The following MAP2K3 variants were observed in gnomAD, a reference collection of about 807,000 sequenced individuals.
MAP2K3 encodes the protein dual specificity mitogen-activated protein kinase kinase 3.
Under a neutral mutation model 46.4 loss-of-function variants are expected in MAP2K3, and 30 were observed. The ratio of observed to expected loss-of-function variants is 0.65; its 90% CI spans 0.48 to 0.88. MAP2K3 has a LOEUF of 0.88. Ranked by LOEUF, MAP2K3 falls within the 40% of genes least tolerant of loss-of-function variation. The pLI, the probability that MAP2K3 is intolerant of heterozygous loss-of-function variation, is 0.00. For synonymous variants in MAP2K3, 189 were observed against 176.3 expected, an observed-to-expected ratio of 1.07 and a Z score of -0.57; for missense variants, 380 against 464.5, an observed-to-expected ratio of 0.82 and a Z score of 1.67.
In MAP2K3 at chr17:21,304,425, G is replaced by A; in HGVS notation, c.569-1G>A. ...GGCTGAGGCATGTCCCTCCCTGGCAGATGTGAAGCCCTCCAATGTCCTTAT... is the reference window on the plus strand; with the variant it reads ...GGCTGAGGCATGTCCCTCCCTGGCAAATGTGAAGCCCTCCAATGTCCTTAT... On this transcript the variant is annotated splice_acceptor_variant, in intron 7 of 11. Coordinates refer to ENST00000342679, the MANE Select transcript of MAP2K3 (RefSeq NM_145109.3). LOFTEE classifies it high-confidence loss of function. 6.2e-7 allele frequency: 1 copy of A among 1,614,312 alleles called. No individual in the cohort carries two copies. Among genetic ancestry groups the A allele is most frequent in the Non-Finnish European group, 8.5e-7 (1 of 1,180,056 alleles).
intron 4 of MAP2K3, 36 bp from the exon 5 acceptor site, chr17:21,300,838 C>T: frequency 6.2e-7 from 1 of 1,613,666 alleles, no homozygotes. Flanking sequence ...TTGGCCTCTG[C>T]CACGGCAACC....
intron 1 of MAP2K3, among the ~76,000 whole-genome samples, chr17:21,297,855 G>A (rs752863615): frequency 1.6e-3 from 249 of 152,206 alleles, no homozygotes; most frequent in South Asian, 0.013. Context: ...ATCGGGTGTC[G>A]GCCTCCAGGG....
intron 1 of MAP2K3, among the ~76,000 whole-genome samples, chr17:21,293,296 G>C (rs79365257): frequency 1.3e-5 from 2 of 152,306 alleles, no homozygotes; most frequent in East Asian, 3.8e-4. Context: ...CACTCTGCCC[G>C]GGGTCCTCCC....
intron 7 of MAP2K3, among the ~76,000 whole-genome samples, chr17:21,303,886 G>T (rs1021956444): frequency 6.6e-6 from 1 of 152,312 alleles, no homozygotes; most frequent in East Asian, 1.9e-4. Flanking sequence ...GAACCTTCTG[G>T]TCCTTTTTAT....
chr17:21,302,357 G>A (rs1449562875), intron 6 of MAP2K3, 98 bp downstream of exon 6: 4 of 1,347,348 alleles, frequency 3.0e-6, no homozygotes, highest in Non-Finnish European at 4.2e-6. Context: ...TGGTGTCTTG[G>A]GCAGAGCTGG....
chr17:21,299,611 G>A (rs1009374982), intron 3 of MAP2K3, among the ~76,000 whole-genome samples: 2 of 152,278 alleles, frequency 1.3e-5, no homozygotes, highest in African/African-American at 4.8e-5. Flanking sequence ...GAACCCAGGA[G>A]GTGGATGTTG....
chr17:21,291,292 A>G (rs1975913385), intron 1 of MAP2K3: 1 of 28,450 alleles, frequency 3.5e-5, no homozygotes. Context: ...ACAATAGAAT[A>G]CAATACAATA....
chr17:21,291,837 T>G (rs1302129731), intron 1 of MAP2K3: 2 of 346,354 alleles, frequency 5.8e-6, no homozygotes, highest in Non-Finnish European at 1.1e-5. Context: ...CGAAGGACTG[T>G]CCTGGGAGCA....
rs765424344 is a variant in MAP2K3 at position 21,303,220 on chromosome 17, C to T, written c.554C>T (p.Ser185Leu). Residue 185 changes from serine to leucine, a missense_variant, in exon 7 of 12, where the codon TCG becomes TTG. Around this residue, in one of 5 missense-constraint regions of MAP2K3, gnomAD observed 294 missense variants for 275.4 expected, o/e 1.07. Transcript: ENST00000342679. ...RALEHLHSKL[S>L]VIHRDVKPSN... ...CTGGAGCATCTGCACAGCAAGCTGT[C>T]GGTGATCCACAGAGGTCAGTGCCCG... 3.2e-5 allele frequency: 51 copies of T among 1,614,126 alleles called. No individual in the cohort carries two copies. In the African/African-American group the frequency reaches 3.7e-4, roughly 12 times the overall value.
At chr17:21,302,028 G>T in intron 5 of MAP2K3, 115 bp from the exon 6 acceptor site, 1 of 1,014,852 alleles carries the variant, frequency 9.9e-7, no homozygotes. Context: ...GGCTGAGTGG[G>T]TGGGCACACG....
intron 1 of MAP2K3, chr17:21,288,138 G>C: frequency 1.6e-6 from 2 of 1,271,484 alleles, no homozygotes; most frequent in Non-Finnish European, 2.1e-6. Flanking sequence ...GGGCATGCCA[G>C]CCGGCTGCCT....
chr17:21,303,265 G>GT, intron 7 of MAP2K3, 31 bp downstream of exon 7: 1 of 1,613,272 alleles, frequency 6.2e-7, no homozygotes, highest in East Asian at 2.2e-5. Flanking sequence ...CAGGCACGGT[G>GT]TAGCCAGTGG....
chr17:21,294,604 G>A (rs978051325), intron 1 of MAP2K3, among the ~76,000 whole-genome samples: 1 of 152,312 alleles, frequency 6.6e-6, no homozygotes, highest in African/African-American at 2.4e-5. Context: ...CCCACCGTGT[G>A]GCCTCTCTAA....
chr17:21,296,376 C>A (rs949436536), intron 1 of MAP2K3, among the ~76,000 whole-genome samples: 1 of 152,310 alleles, frequency 6.6e-6, no homozygotes, highest in Non-Finnish European at 1.5e-5. Flanking sequence ...ATAGAAGTGG[C>A]CTCAGAAGCT....
intron 9 of MAP2K3, among the ~76,000 whole-genome samples, chr17:21,309,689 C>G (rs1250592933): frequency 6.6e-6 from 1 of 152,170 alleles, no homozygotes; most frequent in Non-Finnish European, 1.5e-5. Flanking sequence ...TCTCGGCTTA[C>G]TGCAACCTCC....
rs749891984 is a variant in MAP2K3 at position 21,300,979 on chromosome 17, G to C, written c.385G>C (p.Ala129Pro). The change falls in exon 5 of 12, where the codon GCA becomes CCA. Residue 129 changes from alanine to proline, a missense_variant. Transcript: ENST00000342679. ...DCFYTVTFYG[A>P]LFREGDVWIC... The stretch of plus-strand genomic sequence containing the variant: ...TTTCTACACTGTCACCTTCTACGGG[G>C]CACTATTCAGAGAGGTGCGTCCTTG... 9 of 1,614,148 alleles carry C rather than the reference G, an allele frequency of 5.6e-6. No individual in the cohort carries two copies. The highest frequency in any genetic ancestry group is 2.7e-5 in the African/African-American group (2 of 75,070).
Position 21,300,616 on chromosome 17 carries a change from G to A in MAP2K3, c.237G>A (p.Glu79=). ...GCCGTGGAGCCTATGGGGTGGTAGA[G>A]AAGGTGCGGCACGCCCAGAGCGGCA... ...ELGRGAYGVV[E]KVRHAQSGTI... Residue 79 remains glutamate, a synonymous_variant, in exon 4 of 12, where the codon GAG becomes GAA. Transcript: ENST00000342679. 1 of 1,613,004 alleles carries A rather than the reference G, an allele frequency of 6.2e-7. No individual in the cohort carries two copies. The highest frequency in any genetic ancestry group is 1.1e-5 in the South Asian group (1 of 90,744).
chr17:21,300,068 C>A (rs1976503982), intron 3 of MAP2K3, among the ~76,000 whole-genome samples: 1 of 152,312 alleles, frequency 6.6e-6, no homozygotes, highest in African/African-American at 2.4e-5. Context: ...CATCTGCTGT[C>A]CTGTTCATCT....
At chr17:21,286,334 TTCA>T (rs1975722271) in intron 1 of MAP2K3, among the ~76,000 whole-genome samples, 1 of 152,244 alleles carries the variant, frequency 6.6e-6, no homozygotes, top group African/African-American at 2.4e-5. Context: ...TAGTGGGCAC[TTCA>T]TCAGGGGTCA....
Sources: allele counts gnomAD v4.1 joint callset (sites outside exome capture counted in the v4.1 genomes callset), GRCh38; gene constraint gnomAD v4.1.1; regional missense constraint gnomAD v4.1.1; transcripts MANE v1.5; gene names NCBI Gene and HGNC (gene_info 2026-07-23, HGNC 2026-07-21).